Variants in LRP1B observed in about 807,000 individuals in gnomAD.
The protein encoded by LRP1B is LDL receptor related protein 1B, also known as low-density lipoprotein receptor-related protein 1B.
Under a neutral mutation model 556.6 loss-of-function variants are expected in LRP1B, and 217 were observed. That is an observed-to-expected ratio of 0.39 (90% CI 0.35 to 0.44). The LOEUF is 0.44. Ranked by LOEUF, LRP1B falls within the 20% of genes least tolerant of loss-of-function variation. The pLI is 1.00. For synonymous variants in LRP1B, 2,047 were observed against 1,865.8 expected (o/e 1.10, Z -2.50); for missense variants, 5,053 against 5,620.8 (o/e 0.90, Z 3.23).
At position 141,927,739 on chromosome 2, in the gene LRP1B, G is replaced by C. The variant is rs72986524; in HGVS notation, c.83-117338C>G. ...CCATTGATGAGGCTTTTCTGCACTT[G>C]CATGAAAAGACTGATGGAAGAATCA... On this transcript the variant is annotated intron_variant, in intron 1 of 90. Coordinates refer to ENST00000389484, the MANE Select transcript of LRP1B (RefSeq NM_018557.3). 4.2e-3 allele frequency among the ~76,000 whole-genome samples: 645 copies of C among 151,872 alleles called. 3 individuals carry two copies. The highest frequency in any genetic ancestry group is 0.014 in the African/African-American group (571 of 41,450).
intron 2 of LRP1B, among the ~76,000 whole-genome samples, chr2:141,709,698 G>A (rs73963538): frequency 0.019 from 2,900 of 152,240 alleles, 89 homozygotes; most frequent in African/African-American, 0.066. Flanking sequence ...ATCACTATAC[G>A]TGGTGTGTGG....
chr2:140,948,821 T>TA (rs1443317142), intron 20 of LRP1B, among the ~76,000 whole-genome samples: 24 of 152,208 alleles, frequency 1.6e-4, no homozygotes, highest in African/African-American at 4.6e-4. Flanking sequence ...GTTCTCCAGG[T>TA]AAATTAAAAA....
chr2:140,852,616 C>T (rs987254590), intron 27 of LRP1B, among the ~76,000 whole-genome samples: 1 of 152,120 alleles, frequency 6.6e-6, no homozygotes, highest in Non-Finnish European at 1.5e-5. Flanking sequence ...GTCTGTCTGC[C>T]TTCATGATTA....
chr2:141,881,378 T>C (rs1698952403), intron 1 of LRP1B, among the ~76,000 whole-genome samples: 1 of 152,010 alleles, frequency 6.6e-6, no homozygotes, highest in Admixed American at 6.6e-5. Flanking sequence ...GAAAGCCAAA[T>C]CTTGGCATCT....
chr2:140,780,980 C>T (rs972353139), intron 32 of LRP1B, among the ~76,000 whole-genome samples: 4 of 152,116 alleles, frequency 2.6e-5, no homozygotes, highest in Admixed American at 2.0e-4. Context: ...GCTCCCTAGA[C>T]AGTAGAGATA....
chr2:141,152,777 A>C (rs1437564679), intron 7 of LRP1B, among the ~76,000 whole-genome samples: 5 of 151,786 alleles, frequency 3.3e-5, no homozygotes, highest in Non-Finnish European at 7.4e-5. Flanking sequence ...TTAATGAATG[A>C]ATCGGTTAAA....
rs140235630 is a variant in LRP1B, at chr2:141,381,397, A to G, written c.343+98999T>C. On this transcript the variant is annotated intron_variant, in intron 3 of 90. Transcript: ENST00000389484. ...AAAAACAGAATGAAAAAGAGTGAAGATAGCTTAAAGGACTTACGAGATGGC... is the reference window on the plus strand; with the variant it reads ...AAAAACAGAATGAAAAAGAGTGAAGGTAGCTTAAAGGACTTACGAGATGGC... Among the ~76,000 whole-genome samples the G allele has an allele frequency of 2.5e-3, 382 of 152,068 alleles. 1 individual carries two copies. The highest frequency in any genetic ancestry group is 8.7e-3 in the African/African-American group (362 of 41,532).
In LRP1B at chr2:141,614,894, C is replaced by A. The variant is rs542800411; in HGVS notation, c.206-134361G>T. 2.0e-5 allele frequency among the ~76,000 whole-genome samples: 3 copies of A among 152,202 alleles called. 1 individual carries two copies. In the South Asian group the frequency reaches 6.2e-4, roughly 32 times the overall value. On this transcript the variant is annotated intron_variant, in intron 2 of 90. Coordinates refer to ENST00000389484, the MANE Select transcript of LRP1B (RefSeq NM_018557.3). The stretch of plus-strand genomic sequence containing the variant: ...AGCAAACTAATATAAATTTTTATAC[C>A]AGAATGTGGGGTTCTGGAACACACT...
intron 86 of LRP1B, among the ~76,000 whole-genome samples, chr2:140,248,562 A>G (rs1349708040): frequency 6.6e-6 from 1 of 151,690 alleles, no homozygotes; most frequent in African/African-American, 2.4e-5. Context: ...AGATAAATGC[A>G]TAAGGCCAAG....
intron 60 of LRP1B, among the ~76,000 whole-genome samples, chr2:140,462,324 A>T (rs1483563880): frequency 6.6e-6 from 1 of 152,212 alleles, no homozygotes; most frequent in Non-Finnish European, 1.5e-5. Context: ...TTGCTGCAGA[A>T]AATAGAAAAC....
In LRP1B at chr2:140,378,276, T is replaced by A; in HGVS notation, c.10542A>T (p.Thr3514=). Reference sequence around the variant, plus strand: ...CACAGAGGAAATCTTTCAATGTACATGTCTGTGGCTCTGGGGATAAAAAAA... The same window carrying A: ...CACAGAGGAAATCTTTCAATGTACAAGTCTGTGGCTCTGGGGATAAAAAAA... ...NSDEENCKPQ[T]CTLKDFLCAN... The change falls in exon 68 of 91, where the codon ACA becomes ACT. Residue 3514 remains threonine, a synonymous_variant. Transcript: ENST00000389484. 1 of 1,602,702 alleles carries A rather than the reference T, an allele frequency of 6.2e-7. No homozygotes were observed. Among genetic ancestry groups the A allele is most frequent in the East Asian group, 2.2e-5 (1 of 44,748 alleles).
At chr2:141,282,899 A>C (rs1209258918) in intron 3 of LRP1B, among the ~76,000 whole-genome samples, 1 of 152,164 alleles carries the variant, frequency 6.6e-6, no homozygotes, top group Non-Finnish European at 1.5e-5. Context: ...GTTGGAGGCT[A>C]AGTTGAAAGG....
chr2:141,728,031 G>A (rs1558832758), intron 2 of LRP1B, among the ~76,000 whole-genome samples: 1 of 152,064 alleles, frequency 6.6e-6, no homozygotes, highest in Non-Finnish European at 1.5e-5. Context: ...GCGCTATAAT[G>A]AGGGGGAAAG....
At chr2:141,122,381 C>G (rs1405245682) in intron 7 of LRP1B, among the ~76,000 whole-genome samples, 1 of 139,364 alleles carries the variant, frequency 7.2e-6, no homozygotes, top group South Asian at 2.4e-4. Flanking sequence ...CCAGAATCTA[C>G]AAATAACTCA....
intron 1 of LRP1B, among the ~76,000 whole-genome samples, chr2:141,984,487 A>AAT (rs1470158900): frequency 6.6e-6 from 1 of 152,110 alleles, no homozygotes; most frequent in Non-Finnish European, 1.5e-5. Flanking sequence ...GCTCAAAATA[A>AAT]ATATATATAG....
At chr2:140,335,029 T>A (rs1487352876) in intron 78 of LRP1B, among the ~76,000 whole-genome samples, 1 of 152,148 alleles carries the variant, frequency 6.6e-6, no homozygotes, top group Admixed American at 6.6e-5. Context: ...AAGTATAAGT[T>A]GTCTCTTTTT....
At chr2:141,034,142 T>G (rs935906868) in intron 11 of LRP1B, among the ~76,000 whole-genome samples, 1 of 152,136 alleles carries the variant, frequency 6.6e-6, no homozygotes, top group East Asian at 1.9e-4. Context: ...ACTCTTATAT[T>G]TCAAGTTTAC....
intron 18 of LRP1B, among the ~76,000 whole-genome samples, chr2:140,977,286 C>T (rs76827081): frequency 0.13 from 20,056 of 152,116 alleles, 1,643 homozygotes; most frequent in East Asian, 0.33. Flanking sequence ...CTCTCTGTCT[C>T]ATACCACCCA....
intron 66 of LRP1B, among the ~76,000 whole-genome samples, chr2:140,397,814 G>T (rs1444466807): frequency 6.6e-6 from 1 of 152,202 alleles, no homozygotes; most frequent in South Asian, 2.1e-4. Context: ...AGTTAAAGAT[G>T]TGGATACCTG....
Sources: allele counts gnomAD v4.1 joint callset (sites outside exome capture counted in the v4.1 genomes callset), GRCh38; gene constraint gnomAD v4.1.1; transcripts MANE v1.5; gene names NCBI Gene and HGNC (gene_info 2026-07-23, HGNC 2026-07-21).